Variants in HAVCR1 observed in about 807,000 individuals in gnomAD.
HAVCR1 encodes the protein T cell immunoglobin domain and mucin domain protein 1.
HAVCR1 carries 34 observed loss-of-function variants against 32.0 expected under a neutral mutation model. That is an observed-to-expected ratio of 1.06 (90% CI 0.81 to 1.42). The LOEUF is 1.42. Among genes scored for constraint, HAVCR1 ranks in the 40% most tolerant of loss-of-function variants. The probability of loss-of-function intolerance (pLI) is 0.00; values close to 1 mark genes in which losing one functional copy is unlikely to be tolerated. For missense variants in HAVCR1, 420 were observed against 442.3 expected, an observed-to-expected ratio of 0.95 and a Z score of 0.45; for synonymous variants, 178 against 170.3, an observed-to-expected ratio of 1.05 and a Z score of -0.35.
chr5:157,044,422 A>AAG (rs57329888), intron 5 of HAVCR1, among the ~76,000 whole-genome samples: 1,133 of 13,564 alleles, frequency 0.084, 65 homozygotes, highest in East Asian at 0.21. Flanking sequence ...GGAAGGAAGG[A>AAG]GAAAGAAAGA....
upstream of HAVCR1, among the ~76,000 whole-genome samples, chr5:157,063,481 C>T (rs1756535493): frequency 6.6e-6 from 1 of 152,002 alleles, no homozygotes; most frequent in Non-Finnish European, 1.5e-5. Context: ...GACGGGGTTT[C>T]ACCATGTTGG....
At chr5:157,032,754 A>C (rs997937772) in intron 8 of HAVCR1, 100 bp downstream of exon 8, 1 of 755,984 alleles carries the variant, frequency 1.3e-6, no homozygotes, top group Non-Finnish European at 2.3e-6. Context: ...GTCAGGATCC[A>C]AGGTATGCGA....
rs567509090 is a variant in HAVCR1 at position 157,052,414 on chromosome 5, G to A, written c.620C>T (p.Thr207Ile). The A allele has an allele frequency of 2.3e-5, 37 of 1,611,380 alleles. No homozygotes were observed. The highest frequency in any genetic ancestry group is 4.5e-5 in the East Asian group (2 of 44,842). Residue 207 changes from threonine to isoleucine, a missense_variant, in exon 4 of 9, where the codon ACT becomes ATT. Physicochemically the swap from Thr to Ile is moderately conservative, Grantham distance 89. Transcript: ENST00000523175. ...CATTGGAGGAACAAAGGTAGAGACA[G>A]TTGTTGTCACTGGAACACTTGTTGT... Reference protein sequence around the residue: ...PTTTSVPVTTTVSTFVPPMPL... With the variant: ...PTTTSVPVTTIVSTFVPPMPL...
rs539859951 is a variant in HAVCR1, at chr5:157,042,312, G to A, written c.837+315C>T. ...AAAAAATTAGCCGGGCATGGTGGCGGGCGCCTGTAGTCCCAGCTATTCGGG... is the reference window on the plus strand; with the variant it reads ...AAAAAATTAGCCGGGCATGGTGGCGAGCGCCTGTAGTCCCAGCTATTCGGG... On this transcript the variant is annotated intron_variant, in intron 6 of 8. Transcript: ENST00000523175. Among the ~76,000 whole-genome samples, 17 of 150,516 alleles carry A rather than the reference G, an allele frequency of 1.1e-4. No homozygotes were observed. In the East Asian group the frequency reaches 3.2e-3, roughly 28 times the overall value.
intron 8 of HAVCR1, 92 bp from the exon 9 acceptor site, chr5:157,029,933 A>C (rs1352677001): frequency 9.9e-7 from 1 of 1,014,856 alleles, no homozygotes; most frequent in African/African-American, 1.6e-5. Context: ...TGATCAGGCA[A>C]TATCAGGTAT....
chr5:157,038,452 G>C (rs1276814161), intron 6 of HAVCR1, among the ~76,000 whole-genome samples: 1 of 152,118 alleles, frequency 6.6e-6, no homozygotes, highest in Non-Finnish European at 1.5e-5. Context: ...CAGAATCCCA[G>C]GTCTTCTACT....
chr5:157,043,001 C>A (rs1755005211), intron 5 of HAVCR1, among the ~76,000 whole-genome samples: 1 of 151,956 alleles, frequency 6.6e-6, no homozygotes, highest in African/African-American at 2.4e-5. Flanking sequence ...ATTCATGGAA[C>A]CAGGTTAAGA....
chr5:157,045,814 G>A (rs17054136), intron 5 of HAVCR1, among the ~76,000 whole-genome samples: 8,050 of 152,144 alleles, frequency 0.053, 401 homozygotes, highest in Admixed American at 0.14. Context: ...TTGGATCCAC[G>A]GCCAAAATGG....
chr5:157,037,017 C>A (rs935957918), intron 7 of HAVCR1, among the ~76,000 whole-genome samples: 1 of 152,022 alleles, frequency 6.6e-6, no homozygotes, highest in South Asian at 2.1e-4. Context: ...GGCATAAGAC[C>A]CCACACCCAG....
At position 157,055,152 on chromosome 5, in the gene HAVCR1, C is replaced by G. The variant is rs374135850; in HGVS notation, c.379+49G>C. 4.2e-5 allele frequency: 43 copies of G among 1,030,010 alleles called. No individual in the cohort carries two copies. The South Asian group carries it at 6.3e-4, about 15-fold the overall frequency. The allele number at this position is 1,030,010 out of a possible 1,614,324, so 63.8% of individuals were successfully genotyped here. A position where few individuals can be genotyped will look rare whatever the true frequency, so the allele number is the denominator to read the frequency against. On this transcript the variant is annotated intron_variant, in intron 3 of 8. Transcript: ENST00000523175. The stretch of plus-strand genomic sequence containing the variant: ...TATTAAGAAAAAAGAAAATTACTAC[C>G]GAACAGAAAATTCAATTAACTAGCA...
At chr5:157,063,732 G>A (rs1438476659), upstream of HAVCR1, among the ~76,000 whole-genome samples, 2 of 152,228 alleles carry the variant, frequency 1.3e-5, no homozygotes, top group Non-Finnish European at 2.9e-5. Context: ...GGTTGGGAGT[G>A]GAGGGTTGAG....
chr5:157,035,015 C>T (rs1168976433), intron 7 of HAVCR1, among the ~76,000 whole-genome samples: 1 of 151,954 alleles, frequency 6.6e-6, no homozygotes, highest in African/African-American at 2.4e-5. Context: ...CACTGCATTC[C>T]AGTCTGAGTG....
upstream of HAVCR1, among the ~76,000 whole-genome samples, chr5:157,060,060 T>C (rs1007272382): frequency 2.6e-5 from 4 of 152,000 alleles, no homozygotes; most frequent in Non-Finnish European, 5.9e-5. Flanking sequence ...GGGACATGAC[T>C]CAATATACTA....
rs1283006989 is a variant in HAVCR1 at position 157,052,376 on chromosome 5, G to C, written c.658C>G (p.Gln220Glu). 5.6e-6 allele frequency: 9 copies of C among 1,614,120 alleles called. No individual in the cohort carries two copies. Among genetic ancestry groups the C allele is most frequent in the Non-Finnish European group, 6.8e-6 (8 of 1,179,952 alleles). ...TCTGTTTTACCTGGTTCATGGTTCT[G>C]CCTGGGCAAAGGCATTGGAGGAACA... ...TFVPPMPLPRQNHEPVATSPS... is the reference protein window; with the variant it reads ...TFVPPMPLPRENHEPVATSPS... The change falls in exon 4 of 9, where the codon CAG (glutamine) becomes GAG (glutamate). Residue 220 changes from glutamine to glutamate, a missense_variant. Transcript: ENST00000523175.
chr5:157,060,306 AT>A (rs1756451878), upstream of HAVCR1, among the ~76,000 whole-genome samples: 1 of 151,932 alleles, frequency 6.6e-6, no homozygotes, highest in African/African-American at 2.4e-5. Flanking sequence ...TACCCCATAG[AT>A]TTCTTCTACC....
chr5:157,037,177 GA>G (rs1754584383), intron 7 of HAVCR1, 69 bp downstream of exon 7: 1 of 785,302 alleles, frequency 1.3e-6, no homozygotes, highest in Non-Finnish European at 2.3e-6. Context: ...TGTGACTTAT[GA>G]AACTAGTGAA....
chr5:157,037,872 G>A (rs1327960381), intron 6 of HAVCR1, among the ~76,000 whole-genome samples: 1 of 151,978 alleles, frequency 6.6e-6, no homozygotes, highest in Non-Finnish European at 1.5e-5. Context: ...AAATCAGCTG[G>A]GTGTGGTGCT....
intron 8 of HAVCR1, among the ~76,000 whole-genome samples, chr5:157,032,422 G>A (rs1052036109): frequency 6.6e-6 from 1 of 152,210 alleles, no homozygotes; most frequent in Non-Finnish European, 1.5e-5. Flanking sequence ...GGAGGCTGAG[G>A]CAGGAGAATC....
At chr5:157,038,850 T>G (rs779826430) in intron 6 of HAVCR1, among the ~76,000 whole-genome samples, 12 of 152,114 alleles carry the variant, frequency 7.9e-5, no homozygotes, top group African/African-American at 1.2e-4. Context: ...CACAACCAGG[T>G]CACGGACAGT....
Sources: allele counts gnomAD v4.1 joint callset (sites outside exome capture counted in the v4.1 genomes callset), GRCh38; gene constraint gnomAD v4.1.1; transcripts MANE v1.5; gene names NCBI Gene and HGNC (gene_info 2026-07-23, HGNC 2026-07-21).